The following MBOAT2 variants were observed in gnomAD, a reference collection of about 807,000 sequenced individuals.
MBOAT2 encodes membrane-bound glycerophospholipid O-acyltransferase 2.
A neutral mutation model predicts 63.4 loss-of-function variants in MBOAT2; 28 were observed. The ratio of observed to expected loss-of-function variants is 0.44; its 90% CI spans 0.33 to 0.61. The LOEUF is 0.61. Ranked by LOEUF, MBOAT2 falls within the 20% of genes least tolerant of loss-of-function variation. The pLI is 0.03. For synonymous variants in MBOAT2, 211 were observed against 215.6 expected (o/e 0.98, Z 0.19); for missense variants, 470 against 605.8 (o/e 0.78, Z 2.35).
At chr2:8,989,970 T>C (rs1573263443) in intron 1 of MBOAT2, among the ~76,000 whole-genome samples, 1 of 152,262 alleles carries the variant, frequency 6.6e-6, no homozygotes, top group Middle Eastern at 3.4e-3. Context: ...TCACACAGCT[T>C]GTAAGGGATG....
intron 1 of MBOAT2, among the ~76,000 whole-genome samples, chr2:8,991,042 G>C (rs1246326733): frequency 6.6e-6 from 1 of 152,064 alleles, no homozygotes; most frequent in Non-Finnish European, 1.5e-5. Flanking sequence ...CTATTCTTGG[G>C]ATATAGGTAA....
chr2:8,861,899 T>A (rs1661526764), intron 11 of MBOAT2, among the ~76,000 whole-genome samples: 1 of 152,214 alleles, frequency 6.6e-6, no homozygotes, highest in Non-Finnish European at 1.5e-5. Context: ...GAAATTTCCC[T>A]CATATATCCC....
At position 8,853,005 on chromosome 2, in the gene MBOAT2, A is replaced by G. The variant is rs1660861974; in HGVS notation, c.*5674T>C. 6.6e-6 allele frequency: 1 copy of G among 152,242 alleles called. No homozygotes were observed. The highest frequency in any genetic ancestry group is 2.1e-4 in the South Asian group (1 of 4,836). The allele number at this position is 152,242 out of a possible 1,614,324, so 9.4% of individuals were successfully genotyped here. A position where few individuals can be genotyped will look rare whatever the true frequency, so the allele number is the denominator to read the frequency against. On this transcript the variant is annotated 3_prime_UTR_variant, in exon 13 of 13. Coordinates refer to ENST00000305997, the MANE Select transcript of MBOAT2 (RefSeq NM_138799.4). ...CACCACATTCTATTCTCAACTTGGG[A>G]AGGCAAATGTAAATACTAAATTCTG...
intron 3 of MBOAT2, among the ~76,000 whole-genome samples, chr2:8,912,373 G>GAAAGAA (rs67420836): frequency 5.5e-4 from 46 of 84,160 alleles, no homozygotes; most frequent in Non-Finnish European, 6.4e-4. Context: ...AAGAAAGAAA[G>GAAAGAA]AGAAAGAAAG....
intron 4 of MBOAT2, among the ~76,000 whole-genome samples, chr2:8,906,700 A>G (rs1308347545): frequency 1.3e-5 from 2 of 152,388 alleles, no homozygotes; most frequent in East Asian, 3.9e-4. Flanking sequence ...GAAAATAAAA[A>G]GGGTAATGAC....
intron 7 of MBOAT2, among the ~76,000 whole-genome samples, chr2:8,875,747 T>C (rs1473872294): frequency 6.6e-6 from 1 of 152,218 alleles, no homozygotes; most frequent in Non-Finnish European, 1.5e-5. Flanking sequence ...AAAGATTAAG[T>C]GGTCATCCTG....
At chr2:8,996,347 C>G (rs1187916289) in intron 1 of MBOAT2, among the ~76,000 whole-genome samples, 1 of 151,154 alleles carries the variant, frequency 6.6e-6, no homozygotes, top group Non-Finnish European at 1.5e-5. Context: ...ATAAAGGAGT[C>G]TGACAACAGG....
At position 9,003,534 on chromosome 2, in the gene MBOAT2, G is replaced by C; in HGVS notation, c.75+6C>G. 8.3e-7 allele frequency: 1 copy of C among 1,205,770 alleles called. No individual in the cohort carries two copies. The highest frequency in any genetic ancestry group is 1.0e-6 in the Non-Finnish European group (1 of 968,848). 74.7% of individuals were successfully genotyped at this position (1,205,770 alleles called of 1,614,324 possible). A position where few individuals can be genotyped will look rare whatever the true frequency, so the allele number is the denominator to read the frequency against. On this transcript the variant is annotated splice_donor_region_variant and intron_variant, in intron 1 of 12. Coordinates refer to ENST00000305997, the MANE Select transcript of MBOAT2 (RefSeq NM_138799.4). The surrounding 1 kb of genome is among the most constrained non-coding windows in gnomAD (Gnocchi z 5.4). Reference sequence around the variant, plus strand: ...CGACGCCCGGCGCCAGGGCGCCTCGGGGTACCTGGTCGATGGGCAGCTGCA... The same window carrying C: ...CGACGCCCGGCGCCAGGGCGCCTCGCGGTACCTGGTCGATGGGCAGCTGCA...
At chr2:8,868,648 C>CA in intron 8 of MBOAT2, 99 bp from the exon 9 acceptor site, 1 of 922,054 alleles carries the variant, frequency 1.1e-6, no homozygotes, top group Non-Finnish European at 1.7e-6. Flanking sequence ...TATTCTTAAA[C>CA]AGTAAAAGTA....
rs944838447 is a variant in MBOAT2 at position 8,858,655 on chromosome 2, AAAC to A, written c.*21_*23del. ...GGTTTCTGTTAACATCAAAAAAAAA[AAAC>A]AGCCCTCAGAGCCTTCCCGATCACT... On this transcript the variant is annotated 3_prime_UTR_variant, in exon 13 of 13. Coordinates refer to ENST00000305997, the MANE Select transcript of MBOAT2 (RefSeq NM_138799.4). 1.9e-6 allele frequency: 3 copies of A among 1,540,654 alleles called. No individual in the cohort carries two copies. The Admixed American group carries it at 6.2e-5, about 32-fold the overall frequency.
At chr2:8,978,012 T>C (rs546617059) in intron 1 of MBOAT2, among the ~76,000 whole-genome samples, 48 of 152,114 alleles carry the variant, frequency 3.2e-4, no homozygotes, top group African/African-American at 1.1e-3. Context: ...CCCCATTTCC[T>C]CTCCTGCCTC....
intron 3 of MBOAT2, among the ~76,000 whole-genome samples, chr2:8,913,835 GA>G (rs554058752): frequency 6.6e-6 from 1 of 151,752 alleles, no homozygotes; most frequent in Non-Finnish European, 1.5e-5. Context: ...CTACCCAGAG[GA>G]AAAAAAAGTC....
Position 9,003,666 on chromosome 2 carries a change from G to A in MBOAT2, c.-52C>T, listed in dbSNP as rs1396060088. The A allele has an allele frequency of 8.3e-6, 9 of 1,086,558 alleles. No homozygotes were observed. The African/African-American group carries it at 8.4e-5, about 10-fold the overall frequency. 67.3% of individuals were successfully genotyped at this position (1,086,558 alleles called of 1,614,324 possible). On this transcript the variant is annotated 5_prime_UTR_variant, in exon 1 of 13. Transcript: ENST00000305997. This position sits in a 1 kb window ranked among gnomAD's most constrained non-coding sequence, Gnocchi z 5.4. The stretch of plus-strand genomic sequence containing the variant: ...CGCGCCGCTCGCCCGCTCGCGCTGT[G>A]CCGGGCGACGACGAGGATGGGGATG...
At chr2:8,934,550 G>A (rs969633616) in intron 3 of MBOAT2, among the ~76,000 whole-genome samples, 1 of 152,074 alleles carries the variant, frequency 6.6e-6, no homozygotes, top group African/African-American at 2.4e-5. Context: ...TTAACTCTTA[G>A]GAGGATAAGA....
rs527310675 is a variant in MBOAT2 at position 8,905,070 on chromosome 2, A to G, written c.395+3551T>C. ...AACTGTCCCATAAAAGAGAGATTTC[A>G]CACTGATTCCTCAGCAAGAGTCTGG... On this transcript the variant is annotated intron_variant, in intron 4 of 12. Transcript: ENST00000305997. Among the ~76,000 whole-genome samples the G allele has an allele frequency of 3.3e-5, 5 of 152,316 alleles. No individual in the cohort carries two copies. In the East Asian group the frequency reaches 9.6e-4, roughly 29 times the overall value.
At chr2:8,876,781 C>T (rs1331300972) in intron 7 of MBOAT2, among the ~76,000 whole-genome samples, 1 of 152,144 alleles carries the variant, frequency 6.6e-6, no homozygotes, top group African/African-American at 2.4e-5. Context: ...TAAGAGCTTT[C>T]TTGTAAAATC....
rs1179304415 is a variant in MBOAT2, at chr2:8,856,400, CCTGT to C, written c.*2275_*2278del. ...TGTTTTCACTTATGACATGCCTGAACCTGTCTTTTAAATTCTTAATTTGTTCACT... is the reference window on the plus strand; with the variant it reads ...TGTTTTCACTTATGACATGCCTGAACCTTTTAAATTCTTAATTTGTTCACT... On this transcript the variant is annotated 3_prime_UTR_variant, in exon 13 of 13. Coordinates refer to ENST00000305997, the MANE Select transcript of MBOAT2 (RefSeq NM_138799.4). The surrounding 1 kb of genome is among the most constrained non-coding windows in gnomAD (Gnocchi z 4.2). 1 of 151,962 alleles carries C rather than the reference CCTGT, an allele frequency of 6.6e-6. No homozygotes were observed. The highest frequency in any genetic ancestry group is 1.5e-5 in the Non-Finnish European group (1 of 67,988). 9.4% of individuals were successfully genotyped at this position (151,962 alleles called of 1,614,324 possible). A position where few individuals can be genotyped will look rare whatever the true frequency, so the allele number is the denominator to read the frequency against.
At chr2:8,906,885 CCCAAAATA>C (rs1363183762) in intron 4 of MBOAT2, among the ~76,000 whole-genome samples, 1 of 152,144 alleles carries the variant, frequency 6.6e-6, no homozygotes, top group Non-Finnish European at 1.5e-5. Context: ...TATACGGAAT[CCCAAAATA>C]CAAACTAGAG....
At chr2:8,861,744 A>G (rs1344829349) in intron 11 of MBOAT2, among the ~76,000 whole-genome samples, 1 of 152,178 alleles carries the variant, frequency 6.6e-6, no homozygotes, top group African/African-American at 2.4e-5. Context: ...TTCCATCTCT[A>G]AACACCTATG....
Sources: allele counts gnomAD v4.1 joint callset (sites outside exome capture counted in the v4.1 genomes callset), GRCh38; gene constraint gnomAD v4.1.1; non-coding constraint Gnocchi (gnomAD v3.1); transcripts MANE v1.5; gene names NCBI Gene and HGNC (gene_info 2026-07-23, HGNC 2026-07-21).